Variants in CCDC7 observed in about 807,000 individuals in gnomAD.
CCDC7 encodes the protein coiled-coil domain containing 7, also known as coiled-coil domain-containing protein 7.
Under a neutral mutation model 196.9 loss-of-function variants are expected in CCDC7, and 183 were observed. The ratio of observed to expected loss-of-function variants is 0.93; its 90% CI spans 0.82 to 1.05. CCDC7 has a LOEUF of 1.05. Ranked by LOEUF, CCDC7 falls within the 50% of genes least tolerant of loss-of-function variation. The probability of loss-of-function intolerance (pLI) is 0.00; values close to 1 mark genes in which losing one functional copy is unlikely to be tolerated. For synonymous variants in CCDC7, 525 were observed against 484.6 expected, an observed-to-expected ratio of 1.08 and a Z score of -1.10; for missense variants, 1,540 against 1,482.2, an observed-to-expected ratio of 1.04 and a Z score of -0.64.
At chr10:32,830,119 A>AGGATATATATATATATATATATATATAT (rs1297748129) in intron 32 of CCDC7, among the ~76,000 whole-genome samples, 3 of 12,864 alleles carry the variant, frequency 2.3e-4, no homozygotes, top group Non-Finnish European at 1.2e-3. Flanking sequence ...TATATATATA[A>AGGATATATATATATATATATATATATAT]GGATATATAT....
intron 21 of CCDC7, among the ~76,000 whole-genome samples, chr10:32,671,372 A>G (rs896241905): frequency 1.3e-5 from 2 of 152,212 alleles, no homozygotes; most frequent in Admixed American, 1.3e-4. Context: ...CATACTGTAC[A>G]GCTTTATAGC....
chr10:32,609,854 T>G (rs2138688950), intron 18 of CCDC7, among the ~76,000 whole-genome samples: 1 of 152,312 alleles, frequency 6.6e-6, no homozygotes, highest in South Asian at 2.1e-4. Flanking sequence ...CATCTTCAAC[T>G]TCTGCCATGA....
chr10:32,471,691 A>T lies in CCDC7; in HGVS notation c.677+461A>T, dbSNP rs3004208. Among the ~76,000 whole-genome samples, 3 of 152,076 alleles carry T rather than the reference A, an allele frequency of 2.0e-5. No homozygotes were observed. In the South Asian group the frequency reaches 6.2e-4, roughly 31 times the overall value. ...TATCAAGTAAAATTTTTACATTTAT[A>T]AGCAACCATGTTTTTGCATTAGACA... On this transcript the variant is annotated intron_variant, in intron 6 of 41. Coordinates refer to ENST00000639629, the Ensembl canonical transcript of CCDC7.
chr10:32,737,910 A>G (rs2085140899), intron 28 of CCDC7, among the ~76,000 whole-genome samples: 1 of 152,248 alleles, frequency 6.6e-6, no homozygotes, highest in Middle Eastern at 3.4e-3. Flanking sequence ...TATCATTTTC[A>G]TATATTTAAA....
rs184783442 is a variant in CCDC7 at position 32,786,895 on chromosome 10, C to T, written c.3013+7811C>T. Among the ~76,000 whole-genome samples the T allele has an allele frequency of 3.6e-3, 553 of 152,138 alleles. 5 individuals are homozygous for T. The highest frequency in any genetic ancestry group is 0.013 in the African/African-American group (524 of 41,518). On this transcript the variant is annotated intron_variant, in intron 29 of 41. Coordinates refer to ENST00000639629, the Ensembl canonical transcript of CCDC7. The stretch of plus-strand genomic sequence containing the variant: ...TGAAATAAAGATGATAAAAAATAAA[C>T]AATATCCTTAGTTGAAAAGTATAAT...
At chr10:32,575,471 A>G (rs1461996935) in intron 16 of CCDC7, among the ~76,000 whole-genome samples, 1 of 152,172 alleles carries the variant, frequency 6.6e-6, no homozygotes, top group Non-Finnish European at 1.5e-5. Flanking sequence ...ATAGACTTAG[A>G]TTAAGCAAAG....
At chr10:32,466,647 C>G (rs1302874145) in intron 5 of CCDC7, among the ~76,000 whole-genome samples, 1 of 152,180 alleles carries the variant, frequency 6.6e-6, no homozygotes, top group Non-Finnish European at 1.5e-5. Context: ...TATATATGTA[C>G]CACGTTTTCT....
chr10:32,471,096 G>A, exon 6 of CCDC7: 1 of 1,608,204 alleles, frequency 6.2e-7, no homozygotes, highest in South Asian at 1.1e-5. Context: ...TACAAGCAGA[G>A]CCTCCAAAAC....
At chr10:32,834,523 T>C (rs1448716501) in intron 32 of CCDC7, among the ~76,000 whole-genome samples, 1 of 152,040 alleles carries the variant, frequency 6.6e-6, no homozygotes, top group Non-Finnish European at 1.5e-5. Flanking sequence ...GGTTAAGGAG[T>C]AACAAACATC....
At chr10:32,735,997 T>C (rs2084799229) in intron 28 of CCDC7, among the ~76,000 whole-genome samples, 1 of 152,236 alleles carries the variant, frequency 6.6e-6, no homozygotes, top group Non-Finnish European at 1.5e-5. Flanking sequence ...TTTTTATCTC[T>C]CTTCTGTTCC....
intron 13 of CCDC7, among the ~76,000 whole-genome samples, chr10:32,557,713 C>T (rs1408638075): frequency 6.6e-6 from 1 of 151,692 alleles, no homozygotes; most frequent in Non-Finnish European, 1.5e-5. Flanking sequence ...TTTAAAGAGA[C>T]ATTGTCTTAT....
intron 28 of CCDC7, among the ~76,000 whole-genome samples, chr10:32,759,263 C>A (rs1347478366): frequency 6.6e-6 from 1 of 151,970 alleles, no homozygotes; most frequent in African/African-American, 2.4e-5. Flanking sequence ...CATATGGAAC[C>A]AAAAAAGAGC....
At chr10:32,802,319 C>A (rs1263010504) in intron 29 of CCDC7, among the ~76,000 whole-genome samples, 2 of 152,156 alleles carry the variant, frequency 1.3e-5, no homozygotes, top group East Asian at 3.9e-4. Context: ...ATCTCTTGAG[C>A]AGTGAATCAG....
intron 32 of CCDC7, among the ~76,000 whole-genome samples, chr10:32,834,325 A>G (rs1348406607): frequency 1.3e-4 from 20 of 152,102 alleles, no homozygotes; most frequent in Admixed American, 7.9e-4. Context: ...TTCTGTGACT[A>G]TAAAGACCAT....
chr10:32,502,731 C>G (rs2044267115), intron 9 of CCDC7, among the ~76,000 whole-genome samples: 3 of 152,076 alleles, frequency 2.0e-5, no homozygotes, highest in East Asian at 1.9e-4. Flanking sequence ...CATTGAATCT[C>G]TAAGTTATTT....
rs372793242 is a variant in CCDC7 at position 32,463,061 on chromosome 10, G to A, written c.510+12G>A. 4.6e-5 allele frequency: 74 copies of A among 1,612,642 alleles called. No homozygotes were observed. The highest frequency in any genetic ancestry group is 9.4e-5 in the African/African-American group (7 of 74,854). On this transcript the variant is annotated intron_variant, in intron 5 of 41. Transcript: ENST00000639629. ...ATCAGATGGAAGAAGTAAGTCTAAC[G>A]TTTTAAAATTGTTAAGTTAATATTT...
intron 13 of CCDC7, among the ~76,000 whole-genome samples, chr10:32,558,495 C>T (rs1484687810): frequency 6.6e-6 from 1 of 152,140 alleles, no homozygotes; most frequent in African/African-American, 2.4e-5. Flanking sequence ...TAATTTCCCT[C>T]TAACCTTTCC....
At chr10:32,814,233 C>T in intron 30 of CCDC7, 137 bp from the exon 32 acceptor site, 1 of 599,996 alleles carries the variant, frequency 1.7e-6, no homozygotes, top group South Asian at 1.8e-5. Flanking sequence ...GCTGGGATTA[C>T]AGGCGTGAGC....
rs547511066 is a variant in CCDC7, at chr10:32,639,515, G to C, written c.2014+4357G>C. Among the ~76,000 whole-genome samples, 27 of 152,180 alleles carry C rather than the reference G, an allele frequency of 1.8e-4. No individual in the cohort carries two copies. The East Asian group carries it at 4.8e-3, about 27-fold the overall frequency. On this transcript the variant is annotated intron_variant, in intron 20 of 41. Coordinates refer to ENST00000639629, the Ensembl canonical transcript of CCDC7. The stretch of plus-strand genomic sequence containing the variant: ...CGTTATGTACCCAGTAGTCATTCAG[G>C]AGCAGGTTGTTCAGTTTCCATGTAG...
Sources: gnomAD v4.1 joint callset for allele counts (sites outside exome capture counted in the v4.1 genomes callset) on GRCh38, gnomAD v4.1.1 for gene constraint, MANE v1.5 for transcripts, NCBI Gene and HGNC (gene_info 2026-07-23, HGNC 2026-07-21) for gene names.